Variants in KPNA5 observed in about 807,000 individuals in gnomAD.
KPNA5 encodes the protein importin subunit alpha-6.
KPNA5 carries 46 observed loss-of-function variants against 71.3 expected under a neutral mutation model. The observed-to-expected ratio is 0.65, with a 90% confidence interval of 0.51 to 0.83. The LOEUF (loss-of-function observed/expected upper bound fraction) is 0.83, where lower values mean the gene tolerates loss of function less well. Among genes scored for constraint, KPNA5 ranks in the 40% least tolerant of loss-of-function variants. The pLI is 0.00. For missense variants in KPNA5, 547 were observed against 628.3 expected (o/e 0.87, Z 1.38); for synonymous variants, 207 against 201.4 (o/e 1.03, Z -0.24).
chr6:116,697,274 T>G (rs1778063552), intron 4 of KPNA5, among the ~76,000 whole-genome samples: 2 of 152,072 alleles, frequency 1.3e-5, no homozygotes, highest in African/African-American at 4.8e-5. Context: ...TATAACAGTA[T>G]AAGTTAGGGT....
rs1292935311 is a variant in KPNA5 at position 116,740,993 on chromosome 6, A to G, written c.*8670A>G. On this transcript the variant is annotated 3_prime_UTR_variant, in exon 14 of 14. Transcript: ENST00000368564. Reference sequence around the variant, plus strand: ...CATGTACCCTGAAACTTAAAGTATAATAAAAAAAAAAGAAATGTACTTTTA... The same window carrying G: ...CATGTACCCTGAAACTTAAAGTATAGTAAAAAAAAAAGAAATGTACTTTTA... 1.3e-5 allele frequency: 2 copies of G among 150,628 alleles called. No homozygotes were observed. The highest frequency in any genetic ancestry group is 2.9e-5 in the Non-Finnish European group (2 of 67,968). 9.3% of individuals were successfully genotyped at this position (150,628 alleles called of 1,614,324 possible).
At chr6:116,714,026 C>T (rs538780072) in intron 7 of KPNA5, among the ~76,000 whole-genome samples, 9 of 152,000 alleles carry the variant, frequency 5.9e-5, no homozygotes, top group Non-Finnish European at 1.2e-4. Context: ...ATAGTAAATC[C>T]AATGTCTGTG....
At chr6:116,701,014 A>C (rs964057434) in intron 5 of KPNA5, among the ~76,000 whole-genome samples, 2 of 152,196 alleles carry the variant, frequency 1.3e-5, no homozygotes, top group African/African-American at 4.8e-5. Context: ...AAGTTTGTAG[A>C]GTAACCTTTC....
chr6:116,695,123 A>G (rs1777973504), intron 4 of KPNA5, among the ~76,000 whole-genome samples: 1 of 151,992 alleles, frequency 6.6e-6, no homozygotes, highest in Admixed American at 6.6e-5. Flanking sequence ...GCTAATTTTT[A>G]GTAGAGTCAG....
rs930209478 is a variant in KPNA5, at chr6:116,738,848, A to G, written c.*6525A>G. On this transcript the variant is annotated 3_prime_UTR_variant, in exon 14 of 14. Coordinates refer to ENST00000368564, the MANE Select transcript of KPNA5 (RefSeq NM_001366306.2). ...AATAAATTAGGTATTGATGGGACGTATCTCCAAATAATAAGAGCTATCTAT... is the reference window on the plus strand; with the variant it reads ...AATAAATTAGGTATTGATGGGACGTGTCTCCAAATAATAAGAGCTATCTAT... 2 of 152,202 alleles carry G rather than the reference A, an allele frequency of 1.3e-5. No individual in the cohort carries two copies. The highest frequency in any genetic ancestry group is 4.8e-5 in the African/African-American group (2 of 41,452). The allele number at this position is 152,202 out of a possible 1,614,324, so 9.4% of individuals were successfully genotyped here.
chr6:116,691,258 T>C lies in KPNA5; in HGVS notation c.139-797T>C, dbSNP rs144504609. Among the ~76,000 whole-genome samples, 561 of 152,216 alleles carry C rather than the reference T, an allele frequency of 3.7e-3. 4 individuals carry two copies. The highest frequency in any genetic ancestry group is 0.013 in the African/African-American group (529 of 41,548). The stretch of plus-strand genomic sequence containing the variant: ...ATAAAATAAAGTGAAATAAAATATG[T>C]ATTATTTTTTATTTTCGTATTTTGT... On this transcript the variant is annotated intron_variant, in intron 2 of 13. Coordinates refer to ENST00000368564, the MANE Select transcript of KPNA5 (RefSeq NM_001366306.2).
intron 4 of KPNA5, among the ~76,000 whole-genome samples, chr6:116,694,859 G>A (rs924595524): frequency 6.6e-6 from 1 of 152,044 alleles, no homozygotes; most frequent in African/African-American, 2.4e-5. Context: ...AGTGAAGTAG[G>A]GGGTCAAAGG....
At position 116,724,290 on chromosome 6, in the gene KPNA5, T is replaced by C; in HGVS notation, c.921-7T>C. On this transcript the variant is annotated splice_region_variant and splice_polypyrimidine_tract_variant and intron_variant, in intron 9 of 13. Transcript: ENST00000368564. ...AGTATTTAGGTTCATGTTTTTATTATTTTTAGGCACAATGATTATAAAGTT... is the reference window on the plus strand; with the variant it reads ...AGTATTTAGGTTCATGTTTTTATTACTTTTAGGCACAATGATTATAAAGTT... 6.3e-7 allele frequency: 1 copy of C among 1,590,198 alleles called. No individual in the cohort carries two copies. Among genetic ancestry groups the C allele is most frequent in the Non-Finnish European group, 8.6e-7 (1 of 1,160,144 alleles).
rs1302330688 is a variant in KPNA5 at position 116,681,351 on chromosome 6, G to A, written c.4+13G>A. ...GCCACATTAATGGGTAAGTTGGAGT[G>A]AACACGGGCTAGGTTGGGGGAGCCT... On this transcript the variant is annotated intron_variant, in intron 1 of 13. Coordinates refer to ENST00000368564, the MANE Select transcript of KPNA5 (RefSeq NM_001366306.2). 6.3e-7 allele frequency: 1 copy of A among 1,594,762 alleles called. No homozygotes were observed. Among genetic ancestry groups the A allele is most frequent in the African/African-American group, 1.4e-5 (1 of 73,806 alleles).
Position 116,732,270 on chromosome 6 carries a change from C to T in KPNA5, c.1567C>T (p.Gln523Ter). ...SIVPQVDENQ[Q>*]QFIFQQQEAP... Reference sequence around the variant, plus strand: ...TGTACCTCAGGTGGATGAAAACCAACAACAGTTTATATTTCAGCAGCAGGA... The same window carrying T: ...TGTACCTCAGGTGGATGAAAACCAATAACAGTTTATATTTCAGCAGCAGGA... Residue 523 changes from glutamine (Q) to a stop codon, truncating the protein, a stop_gained, in exon 14 of 14, where the codon CAA becomes TAA. Transcript: ENST00000368564. LOFTEE classifies it high-confidence loss of function. The T allele has an allele frequency of 6.4e-7, 1 of 1,552,240 alleles. No individual in the cohort carries two copies. The highest frequency in any genetic ancestry group is 8.7e-7 in the Non-Finnish European group (1 of 1,147,404).
chr6:116,725,768 T>C lies in KPNA5; in HGVS notation c.1017T>C (p.Ser339=). 13 of 1,611,282 alleles carry C rather than the reference T, an allele frequency of 8.1e-6. No homozygotes were observed. Among genetic ancestry groups the C allele is most frequent in the Non-Finnish European group, 1.1e-5 (13 of 1,178,644 alleles). Residue 339 remains serine (S), a synonymous_variant, in exon 11 of 14, where the codon TCT becomes TCC. Coordinates refer to ENST00000368564, the MANE Select transcript of KPNA5 (RefSeq NM_001366306.2). ...TGTTTTAGGTAATTTTGAATTGTTCTGCATTACCCTGTCTCTTACATTTAT... is the reference window on the plus strand; with the variant it reads ...TGTTTTAGGTAATTTTGAATTGTTCCGCATTACCCTGTCTCTTACATTTAT... The part of the protein sequence containing the change: ...DIQTQVILNC[S]ALPCLLHLLS...
intron 13 of KPNA5, among the ~76,000 whole-genome samples, chr6:116,730,668 A>C (rs1779449251): frequency 6.6e-6 from 1 of 152,066 alleles, no homozygotes; most frequent in Non-Finnish European, 1.5e-5. Context: ...CATTGTATGA[A>C]TCTATTCTAC....
intron 1 of KPNA5, among the ~76,000 whole-genome samples, chr6:116,687,097 T>A (rs1329554053): frequency 6.6e-6 from 1 of 152,234 alleles, no homozygotes; most frequent in South Asian, 2.1e-4. Context: ...AGGAATAGTG[T>A]TGAATCTGTA....
At chr6:116,692,787 A>C (rs955658199) in intron 4 of KPNA5, among the ~76,000 whole-genome samples, 1 of 151,982 alleles carries the variant, frequency 6.6e-6, no homozygotes, top group Non-Finnish European at 1.5e-5. Context: ...CACAACGTGC[A>C]GGTTTATTAC....
At chr6:116,731,870 T>C (rs1302513969) in intron 13 of KPNA5, among the ~76,000 whole-genome samples, 1 of 151,640 alleles carries the variant, frequency 6.6e-6, no homozygotes, top group African/African-American at 2.4e-5. Flanking sequence ...AGCAGGGTGG[T>C]GTCTGTGATC....
Position 116,735,952 on chromosome 6 carries a change from TAAGAAA to T in KPNA5, c.*3631_*3636del, listed in dbSNP as rs1432791444. 2 of 151,780 alleles carry T rather than the reference TAAGAAA, an allele frequency of 1.3e-5. No individual in the cohort carries two copies. Among genetic ancestry groups the T allele is most frequent in the African/African-American group, 4.8e-5 (2 of 41,416 alleles). The allele number at this position is 151,780 out of a possible 1,614,324, so 9.4% of individuals were successfully genotyped here. A position where few individuals can be genotyped will look rare whatever the true frequency, so the allele number is the denominator to read the frequency against. ...AAAAAGTAAGGCCGTATTTTGCCTCTAAGAAAATGTTTTCAAGAAGCAAATTGGTGA... is the reference window on the plus strand; with the variant it reads ...AAAAAGTAAGGCCGTATTTTGCCTCTATGTTTTCAAGAAGCAAATTGGTGA... On this transcript the variant is annotated 3_prime_UTR_variant, in exon 14 of 14. Transcript: ENST00000368564.
In KPNA5 at chr6:116,739,454, C is replaced by A. The variant is rs1312115703; in HGVS notation, c.*7131C>A. ...TAATTTATAGATTCAATGCCATCCC[C>A]ATCAAGCTACCAATGCCTTTCTTCA... On this transcript the variant is annotated 3_prime_UTR_variant, in exon 14 of 14. Transcript: ENST00000368564. 1 of 152,132 alleles carries A rather than the reference C, an allele frequency of 6.6e-6. No individual in the cohort carries two copies. The allele number at this position is 152,132 out of a possible 1,614,324, so 9.4% of individuals were successfully genotyped here. A position where few individuals can be genotyped will look rare whatever the true frequency, so the allele number is the denominator to read the frequency against.
intron 1 of KPNA5, among the ~76,000 whole-genome samples, chr6:116,685,949 C>T (rs577374450): frequency 7.1e-4 from 108 of 152,182 alleles, no homozygotes; most frequent in African/African-American, 2.5e-3. Flanking sequence ...CACTGTTGCC[C>T]GGGCTGGAGT....
chr6:116,716,142 A>C (rs545411408), intron 7 of KPNA5, 77 bp from the exon 8 acceptor site: 1 of 1,026,916 alleles, frequency 9.7e-7, no homozygotes, highest in Non-Finnish European at 1.5e-6. Flanking sequence ...TATATTGGAG[A>C]GAAATTTTGT....
Sources: allele counts gnomAD v4.1 joint callset (sites outside exome capture counted in the v4.1 genomes callset), GRCh38; gene constraint gnomAD v4.1.1; transcripts MANE v1.5; gene names NCBI Gene and HGNC (gene_info 2026-07-23, HGNC 2026-07-21).